Variants in CFAP126 observed in about 807,000 individuals in gnomAD.
CFAP126 encodes the protein cilia and flagella associated protein 126.
In CFAP126, 21 loss-of-function variants were observed where a neutral mutation model predicts 17.1. The observed-to-expected ratio is 1.23, with a 90% CI of 0.87 to 1.77. CFAP126 has a LOEUF of 1.77. CFAP126 is among the 40% of genes most tolerant of loss of function. The probability of loss-of-function intolerance (pLI) is 0.00; values close to 1 mark genes in which losing one functional copy is unlikely to be tolerated. For missense variants in CFAP126, 174 were observed against 215.4 expected (o/e 0.81, Z 1.20); for synonymous variants, 65 against 73.5 (o/e 0.88, Z 0.59).
In CFAP126 at chr1:161,365,648, G is replaced by C. The variant is rs148395391; in HGVS notation, c.226C>G (p.Pro76Ala). The change falls in exon 4 of 5, where the codon CCT becomes GCT. Residue 76 changes from proline to alanine, a missense_variant. Coordinates refer to ENST00000367974, the MANE Select transcript of CFAP126 (RefSeq NM_001013625.4). ...CGGGAGGTCAGGGTCACCCGAGCAG[G>C]GGGTATCTTCAGAGGCATTTGCCAG... ...GTWQMPLKIP[P>A]ARVTLTSRTT... 4.3e-6 allele frequency: 7 copies of C among 1,613,496 alleles called. No homozygotes were observed. The highest frequency in any genetic ancestry group is 5.9e-6 in the Non-Finnish European group (7 of 1,179,708).
At chr1:161,365,765 G>T in intron 3 of CFAP126, 63 bp from the exon 4 acceptor site, 2 of 1,379,346 alleles carry the variant, frequency 1.4e-6, no homozygotes, top group Non-Finnish European at 2.0e-6. Context: ...TTAGACCTCT[G>T]TATTATTTCC....
chr1:161,365,730 G>C (rs377756363), intron 3 of CFAP126, 28 bp from the exon 4 acceptor site: 66 of 1,539,062 alleles, frequency 4.3e-5, no homozygotes, highest in Non-Finnish European at 5.6e-5. Context: ...TTCCTCAGTA[G>C]GGCTTCTCAC....
At chr1:161,365,213 G>A (rs1465261966) in intron 4 of CFAP126, 63 bp from the exon 5 acceptor site, 2 of 1,496,182 alleles carry the variant, frequency 1.3e-6, no homozygotes, top group Non-Finnish European at 1.9e-6. Context: ...CATTCCTAAT[G>A]CACCTCAGGA....
intron 4 of CFAP126, 162 bp downstream of exon 4, chr1:161,365,364 A>G: frequency 1.1e-6 from 1 of 951,436 alleles, no homozygotes; most frequent in Non-Finnish European, 1.6e-6. Flanking sequence ...TCCTTAGCCC[A>G]TCCCTTCAGG....
In CFAP126 at chr1:161,367,873, T is replaced by G; in HGVS notation, c.-5A>C. The G allele has an allele frequency of 6.2e-7, 1 of 1,613,166 alleles. No individual in the cohort carries two copies. The highest frequency in any genetic ancestry group is 1.1e-5 in the South Asian group (1 of 91,036). Reference sequence around the variant, plus strand: ...GGCACTGTAGTTAGTGGCCATGATCTTGTGCTGTTTACACTCGTTGCTTGG... The same window carrying G: ...GGCACTGTAGTTAGTGGCCATGATCGTGTGCTGTTTACACTCGTTGCTTGG... On this transcript the variant is annotated 5_prime_UTR_variant, in exon 1 of 5. Transcript: ENST00000367974.
intron 1 of CFAP126, chr1:161,367,204 A>C (rs990836883): frequency 2.6e-5 from 4 of 152,300 alleles, no homozygotes; most frequent in African/African-American, 9.6e-5. Context: ...TTATGTTTTA[A>C]TTTTTTCATG....
At chr1:161,365,945 C>T in intron 3 of CFAP126, 1 of 604,450 alleles carries the variant, frequency 1.7e-6, no homozygotes, top group African/African-American at 1.9e-5. Context: ...AAAGGAGTAC[C>T]CACTGCACAA....
In CFAP126 at chr1:161,365,561, C is replaced by T. The variant is rs758968711; in HGVS notation, c.313G>A (p.Ala105Thr). The T allele has an allele frequency of 6.8e-6, 11 of 1,614,010 alleles. No homozygotes were observed. The highest frequency in any genetic ancestry group is 6.8e-6 in the Non-Finnish European group (8 of 1,180,020). Reference sequence around the variant, plus strand: ...ATTTCAGGACACAGCCCATTGGAGGCCTTGAGTAAATCAGGATTTTTCTGT... The same window carrying T: ...ATTTCAGGACACAGCCCATTGGAGGTCTTGAGTAAATCAGGATTTTTCTGT... ...WIQKNPDLLK[A>T]SNGLCPEILG... is the part of the protein sequence containing the mutation. The change falls in exon 4 of 5, where the codon GCC becomes ACC. Residue 105 changes from alanine (A) to threonine (T), a missense_variant. Coordinates refer to ENST00000367974, the MANE Select transcript of CFAP126 (RefSeq NM_001013625.4).
At chr1:161,367,592 C>G in intron 1 of CFAP126, 1 of 400,216 alleles carries the variant, frequency 2.5e-6, no homozygotes, top group Admixed American at 4.4e-5. Flanking sequence ...GCCTGCAAAG[C>G]CTAAAATTTT....
At chr1:161,367,113 T>G (rs1672754600) in intron 1 of CFAP126, 1 of 152,248 alleles carries the variant, frequency 6.6e-6, no homozygotes, top group Admixed American at 6.5e-5. Flanking sequence ...ACGTAAAATG[T>G]CTGATTATAA....
chr1:161,366,373 G>A, intron 2 of CFAP126, 66 bp downstream of exon 2: 1 of 1,570,166 alleles, frequency 6.4e-7, no homozygotes, highest in South Asian at 1.1e-5. Context: ...TTTAGAGAAT[G>A]CTAAAAGGAG....
chr1:161,366,011 C>T, intron 3 of CFAP126, 187 bp downstream of exon 3: 1 of 632,248 alleles, frequency 1.6e-6, no homozygotes, highest in Non-Finnish European at 2.8e-6. Context: ...TTAAGAACTT[C>T]TGAAGGGTGC....
intron 1 of CFAP126, chr1:161,366,708 T>C: frequency 1.7e-6 from 1 of 580,688 alleles, no homozygotes; most frequent in Non-Finnish European, 3.1e-6. Context: ...GTTGAGCACC[T>C]GAAATATGAC....
chr1:161,366,232 C>T lies in CFAP126; in HGVS notation c.137G>A (p.Arg46His), dbSNP rs753086835. ...EGYTQIIAND[R>H]GHLLPSVPRS... ...GGGCACAGAAGGCAGTAGATGACCACGATCGTTGGCAATAATTTGAGTGTA... is the reference window on the plus strand; with the variant it reads ...GGGCACAGAAGGCAGTAGATGACCATGATCGTTGGCAATAATTTGAGTGTA... The change falls in exon 3 of 5, where the codon CGT becomes CAT. Residue 46 changes from arginine to histidine, a missense_variant. Coordinates refer to ENST00000367974, the MANE Select transcript of CFAP126 (RefSeq NM_001013625.4). 23 of 1,613,642 alleles carry T rather than the reference C, an allele frequency of 1.4e-5. No individual in the cohort carries two copies. The highest frequency in any genetic ancestry group is 1.1e-4 in the East Asian group (5 of 44,892).
Position 161,364,813 on chromosome 1 carries a change from T to C in CFAP126, c.*152A>G, listed in dbSNP as rs990396120. 2 of 755,646 alleles carry C rather than the reference T, an allele frequency of 2.6e-6. No individual in the cohort carries two copies. Among genetic ancestry groups the C allele is most frequent in the African/African-American group, 1.8e-5 (1 of 56,854 alleles). 46.8% of individuals were successfully genotyped at this position (755,646 alleles called of 1,614,324 possible). A position where few individuals can be genotyped will look rare whatever the true frequency, so the allele number is the denominator to read the frequency against. ...AATTTCCCTGTTTCACAGTTCTGAC[T>C]GGGGGCTCTTGTTTATTTCACTGAG... On this transcript the variant is annotated 3_prime_UTR_variant, in exon 5 of 5. Coordinates refer to ENST00000367974, the MANE Select transcript of CFAP126 (RefSeq NM_001013625.4).
chr1:161,367,678 T>G lies in CFAP126; in HGVS notation c.27+164A>C, dbSNP rs1672781489. The stretch of plus-strand genomic sequence containing the variant: ...CTACAAATTTAACCAAGAGATACCT[T>G]TGGATCGCCCCTGGGCTCTCTCTAT... On this transcript the variant is annotated intron_variant, in intron 1 of 4. Coordinates refer to ENST00000367974, the MANE Select transcript of CFAP126 (RefSeq NM_001013625.4). 3 of 583,098 alleles carry G rather than the reference T, an allele frequency of 5.1e-6. No individual in the cohort carries two copies. The East Asian group carries it at 9.0e-5, about 17-fold the overall frequency. 36.1% of individuals were successfully genotyped at this position (583,098 alleles called of 1,614,324 possible). A position where few individuals can be genotyped will look rare whatever the true frequency, so the allele number is the denominator to read the frequency against.
At chr1:161,366,331 T>C in intron 2 of CFAP126, 53 bp from the exon 3 acceptor site, 2 of 1,572,528 alleles carry the variant, frequency 1.3e-6, no homozygotes, top group Non-Finnish European at 1.8e-6. Context: ...AGGGAAGTAT[T>C]TGGGGAGCTT....
intron 4 of CFAP126, 173 bp from the exon 5 acceptor site, chr1:161,365,323 T>C: frequency 1.1e-6 from 1 of 905,560 alleles, no homozygotes; most frequent in South Asian, 1.7e-5. Context: ...ACCTTGAGAT[T>C]AGATCATTTT....
intron 1 of CFAP126, 184 bp downstream of exon 1, chr1:161,367,658 A>T (rs1467146255): frequency 4.0e-6 from 2 of 499,716 alleles, no homozygotes; most frequent in Non-Finnish European, 3.4e-6. Flanking sequence ...ACACCCTACA[A>T]ATTTAACCAA....
Sources: gnomAD v4.1 joint callset for allele counts on GRCh38, gnomAD v4.1.1 for gene constraint, MANE v1.5 for transcripts, NCBI Gene and HGNC (gene_info 2026-07-23, HGNC 2026-07-21) for gene names.